The following MAGED1 variants were observed in gnomAD, a reference collection of about 807,000 sequenced individuals.
MAGED1 encodes melanoma-associated antigen D1.
Under a neutral mutation model 54.1 loss-of-function variants are expected in MAGED1, and 3 were observed. That is an observed-to-expected ratio of 0.06 (90% CI 0.03 to 0.14). MAGED1 has a LOEUF of 0.14. Among genes scored for constraint, MAGED1 ranks in the 10% least tolerant of loss-of-function variants. The probability of loss-of-function intolerance (pLI) is 1.00; values close to 1 mark genes in which losing one functional copy is unlikely to be tolerated. For missense variants in MAGED1, 485 were observed against 623.4 expected, an observed-to-expected ratio of 0.78 and a Z score of 2.36; for synonymous variants, 217 against 227.3, an observed-to-expected ratio of 0.95 and a Z score of 0.41.
At chrX:51,806,131 G>A (rs1394455410) in intron 1 of MAGED1, among the ~76,000 whole-genome samples, 5 of 108,724 alleles carry the variant, frequency 4.6e-5, no homozygotes, top group African/African-American at 1.7e-4. Flanking sequence ...ATGCCACCAT[G>A]CCTGGCTAAC....
chrX:51,859,129 G>A, intron 1 of MAGED1, among the ~76,000 whole-genome samples: 1 of 109,794 alleles, frequency 9.1e-6, no homozygotes, highest in African/African-American at 3.3e-5. Context: ...GTCTCACCTT[G>A]CTCATTTTTT....
At chrX:51,816,406 C>T (rs781915069) in intron 1 of MAGED1, among the ~76,000 whole-genome samples, 22 of 111,685 alleles carry the variant, frequency 2.0e-4, no homozygotes, top group South Asian at 3.8e-4. Context: ...TGAGCCACCG[C>T]GCCTGGCCAT....
At chrX:51,836,153 G>A (rs1363256671) in intron 1 of MAGED1, among the ~76,000 whole-genome samples, 1 of 109,393 alleles carries the variant, frequency 9.1e-6, no homozygotes, top group African/African-American at 3.3e-5. Context: ...TCCTTGTCTG[G>A]TAACTCTAAC....
intron 1 of MAGED1, among the ~76,000 whole-genome samples, chrX:51,880,074 A>T (rs1481720134): frequency 8.9e-6 from 1 of 112,584 alleles, no homozygotes; most frequent in Non-Finnish European, 1.9e-5. Flanking sequence ...AATTATTTGG[A>T]GCCTCTTCAT....
Position 51,895,553 on chromosome X carries a change from G to A in MAGED1, c.546G>A (p.Lys182=), listed in dbSNP as rs1024497702. 1 of 1,211,620 alleles carries A rather than the reference G, an allele frequency of 8.3e-7. No homozygotes were observed. The highest frequency in any genetic ancestry group is 1.1e-6 in the Non-Finnish European group (1 of 895,466). Residue 182 remains lysine (K), a synonymous_variant, in exon 3 of 13, where the codon AAG becomes AAA. Coordinates refer to ENST00000326587, the MANE Select transcript of MAGED1 (RefSeq NM_006986.4). ...ACAGCAGGCCTAAGACCCCTTTCAA[G>A]GCTTGGAATGATACCACTAAGGCCC... ...LANSRPKTPF[K]AWNDTTKAPT...
chrX:51,901,443 G>A (rs1929019360), intron 11 of MAGED1, 110 bp from the exon 12 acceptor site: 1 of 680,316 alleles, frequency 1.5e-6, no homozygotes, highest in Admixed American at 4.0e-5. Context: ...CATTGTGTGT[G>A]TGTGTATCAC....
upstream of MAGED1, among the ~76,000 whole-genome samples, chrX:51,890,819 C>T (rs1388148323): frequency 1.1e-5 from 1 of 92,220 alleles, no homozygotes; most frequent in Non-Finnish European, 2.2e-5. Flanking sequence ...CCAATAAATA[C>T]ACATAAGATT....
intron 5 of MAGED1, 75 bp from the exon 6 acceptor site, chrX:51,897,472 C>T: frequency 2.2e-6 from 2 of 907,760 alleles, no homozygotes; most frequent in Non-Finnish European, 3.2e-6. Flanking sequence ...TGTGCTACCC[C>T]CAGCAGGGCT....
rs782386852 is a variant in MAGED1, at chrX:51,879,300, G to A, written c.-36-14969G>A. ...GCCCTATATCATTTTCTTTCTGCCC[G>A]AAGAAAATCTTCTAATATTTCTTGC... On this transcript the variant is annotated intron_variant, in intron 1 of 12. Coordinates refer to the MAGED1 transcript ENST00000375772. 1.5e-4 allele frequency among the ~76,000 whole-genome samples: 17 copies of A among 111,255 alleles called. No homozygotes were observed. In the South Asian group the frequency reaches 5.7e-3, roughly 38 times the overall value.
chrX:51,824,862 C>CTGTGTGTGTGTGTGTG (rs58934297), intron 1 of MAGED1, among the ~76,000 whole-genome samples: 7 of 72,671 alleles, frequency 9.6e-5, no homozygotes, highest in African/African-American at 3.1e-4. Context: ...TCTCAGAAAC[C>CTGTGTGTGTGTGTGTG]TGTGTGTGTG....
At chrX:51,855,543 C>G (rs954251215) in intron 1 of MAGED1, among the ~76,000 whole-genome samples, 3 of 111,300 alleles carry the variant, frequency 2.7e-5, no homozygotes, top group Non-Finnish European at 5.7e-5. Flanking sequence ...TGTAGATGGC[C>G]GTCTTCTCCT....
chrX:51,884,368 G>A (rs1027791525), intron 1 of MAGED1, among the ~76,000 whole-genome samples: 4 of 111,641 alleles, frequency 3.6e-5, no homozygotes, highest in Non-Finnish European at 7.5e-5. Context: ...TGCAAGAAAA[G>A]ACTCATTAAC....
chrX:51,877,754 AAG>A (rs1927924443), intron 1 of MAGED1, among the ~76,000 whole-genome samples: 1 of 112,110 alleles, frequency 8.9e-6, no homozygotes, highest in African/African-American at 3.2e-5. Context: ...TATATACAAA[AAG>A]AATCTCAGAT....
At chrX:51,808,420 T>C (rs1331380145) in intron 1 of MAGED1, among the ~76,000 whole-genome samples, 1 of 112,233 alleles carries the variant, frequency 8.9e-6, no homozygotes, top group African/African-American at 3.2e-5. Context: ...TAGAAAATAG[T>C]AAAATAGGCT....
intron 1 of MAGED1, among the ~76,000 whole-genome samples, chrX:51,844,827 T>C (rs782495245): frequency 9.0e-6 from 1 of 111,574 alleles, no homozygotes; most frequent in South Asian, 3.8e-4. Flanking sequence ...TTTTAGAAGG[T>C]TGTAGCAGCA....
At chrX:51,818,418 A>T (rs1557356251) in intron 1 of MAGED1, among the ~76,000 whole-genome samples, 1 of 111,314 alleles carries the variant, frequency 9.0e-6, no homozygotes, top group Admixed American at 9.6e-5. Context: ...CACTTGGAGG[A>T]AGGGGTAGCC....
upstream of MAGED1, chrX:51,893,620 C>T (rs1489546681): frequency 8.8e-6 from 1 of 113,436 alleles, no homozygotes; most frequent in Non-Finnish European, 1.9e-5. Flanking sequence ...GGCGGGGTCG[C>T]CCAAGCTGCC....
chrX:51,810,995 A>G (rs1925199070), intron 1 of MAGED1, among the ~76,000 whole-genome samples: 1 of 112,332 alleles, frequency 8.9e-6, no homozygotes. Flanking sequence ...TGATAATGAA[A>G]TAATCCAAAT....
intron 1 of MAGED1, among the ~76,000 whole-genome samples, chrX:51,835,102 G>A (rs1329971342): frequency 1.8e-5 from 2 of 111,374 alleles, no homozygotes; most frequent in African/African-American, 6.5e-5. Flanking sequence ...TTGTGAAGTC[G>A]TCTGACTCTT....
Sources: allele counts gnomAD v4.1 joint callset (sites outside exome capture counted in the v4.1 genomes callset), GRCh38; gene constraint gnomAD v4.1.1; transcripts MANE v1.5; gene names NCBI Gene and HGNC (gene_info 2026-07-23, HGNC 2026-07-21).